Variants in RNASEH2B observed in about 807,000 individuals in gnomAD.
RNASEH2B encodes ribonuclease H2 subunit B.
In RNASEH2B, 36 loss-of-function variants were observed where a neutral mutation model predicts 45.0. That is an observed-to-expected ratio of 0.80 (90% CI 0.61 to 1.06). The LOEUF (loss-of-function observed/expected upper bound fraction) is 1.06. Among genes scored for constraint, RNASEH2B ranks in the 50% least tolerant of loss-of-function variants. RNASEH2B has a pLI of 0.00. For missense variants in RNASEH2B, 361 were observed against 360.3 expected, an observed-to-expected ratio of 1.00 and a Z score of -0.02; for synonymous variants, 119 against 125.7, an observed-to-expected ratio of 0.95 and a Z score of 0.35.
In RNASEH2B at chr13:50,954,188, A is replaced by T. The variant is rs942585012; in HGVS notation, c.822+203A>T. On this transcript the variant is annotated intron_variant, in intron 10 of 10. Coordinates refer to ENST00000336617, the MANE Select transcript of RNASEH2B (RefSeq NM_024570.4). The stretch of plus-strand genomic sequence containing the variant: ...ACTAAGACTTATTATTAGTCAGAGA[A>T]AAACAATATACTACTTATCAAGAGT... 1.3e-5 allele frequency: 8 copies of T among 632,054 alleles called. No individual in the cohort carries two copies. In the Admixed American group the frequency reaches 1.8e-4, roughly 14 times the overall value. 39.2% of individuals were successfully genotyped at this position (632,054 alleles called of 1,614,324 possible).
At chr13:50,961,614 C>G (rs868658835), downstream of RNASEH2B, among the ~76,000 whole-genome samples, 2 of 151,962 alleles carry the variant, frequency 1.3e-5, no homozygotes, top group African/African-American at 2.4e-5. Context: ...TTCAAAGAAC[C>G]CTGGTTCCTT....
At chr13:50,952,934 A>G (rs913477967) in intron 9 of RNASEH2B, 2 of 152,156 alleles carry the variant, frequency 1.3e-5, no homozygotes, top group Non-Finnish European at 2.9e-5. Flanking sequence ...ATAAAACACC[A>G]TGGGCTGTGG....
At chr13:50,949,310 AT>A (rs1426013434) in intron 8 of RNASEH2B, 152 bp from the exon 9 acceptor site, 28 of 666,580 alleles carry the variant, frequency 4.2e-5, no homozygotes, top group Non-Finnish European at 7.2e-5. Flanking sequence ...GAAAACTTTC[AT>A]TCTTTACACT....
Position 50,909,843 on chromosome 13 carries a change from A to C in RNASEH2B, c.-234A>C. On this transcript the variant is annotated 5_prime_UTR_variant, in exon 1 of 11. Transcript: ENST00000336617. Reference sequence around the variant, plus strand: ...CGGCCCCTTCCCGTTGCCTGCGGCCACCGGCCGGCATTCAGAGCCCCTCGC... The same window carrying C: ...CGGCCCCTTCCCGTTGCCTGCGGCCCCCGGCCGGCATTCAGAGCCCCTCGC... 1.0e-5 allele frequency: 4 copies of C among 397,250 alleles called. No individual in the cohort carries two copies. The highest frequency in any genetic ancestry group is 1.3e-5 in the Non-Finnish European group (3 of 222,358). The allele number at this position is 397,250 out of a possible 1,614,324, so 24.6% of individuals were successfully genotyped here.
At chr13:50,946,476 C>T (rs1418942308) in intron 7 of RNASEH2B, among the ~76,000 whole-genome samples, 1 of 152,104 alleles carries the variant, frequency 6.6e-6, no homozygotes, top group Non-Finnish European at 1.5e-5. Flanking sequence ...TACTGAGTTA[C>T]CAGCTGTCAG....
chr13:50,969,900 G>A (rs1203500018), intron 9 of RNASEH2B: 12 of 1,549,394 alleles, frequency 7.7e-6, no homozygotes, highest in Non-Finnish European at 1.0e-5. Flanking sequence ...CTCCTCACCA[G>A]GACACACCAC....
intron 1 of RNASEH2B, among the ~76,000 whole-genome samples, chr13:50,915,717 C>T (rs1172349844): frequency 1.3e-5 from 2 of 152,184 alleles, no homozygotes; most frequent in African/African-American, 4.8e-5. Context: ...TCAGAGCTAC[C>T]TTTATGACTT....
intron 1 of RNASEH2B, among the ~76,000 whole-genome samples, chr13:50,924,868 A>T (rs2137916377): frequency 6.6e-6 from 1 of 152,218 alleles, no homozygotes; most frequent in East Asian, 1.9e-4. Context: ...TTAATTACTG[A>T]TTTCAAAGTA....
At chr13:50,954,338 T>C (rs1952016853) in intron 10 of RNASEH2B, 1 of 472,834 alleles carries the variant, frequency 2.1e-6, no homozygotes, top group African/African-American at 2.0e-5. Context: ...AAATTAATAA[T>C]TTCACCATTC....
intron 5 of RNASEH2B, chr13:50,942,448 A>G (rs187493812): frequency 2.2e-4 from 34 of 152,324 alleles, no homozygotes; most frequent in Admixed American, 1.7e-3. Context: ...ATACCAGGCC[A>G]CTACTGAGTA....
At chr13:50,959,987 T>G (rs1208815695), downstream of RNASEH2B, 2 of 354,038 alleles carry the variant, frequency 5.6e-6, no homozygotes, top group Non-Finnish European at 1.0e-5. Context: ...ACTTAAATAT[T>G]CTTATTTGGG....
chr13:50,927,859 A>C (rs1017156645), intron 2 of RNASEH2B, among the ~76,000 whole-genome samples: 2 of 152,118 alleles, frequency 1.3e-5, no homozygotes, highest in African/African-American at 4.8e-5. Context: ...AAAATAAACA[A>C]CCAGAATTTA....
chr13:50,943,082 G>T, intron 5 of RNASEH2B: 20 of 412,452 alleles, frequency 4.8e-5, no homozygotes, highest in Middle Eastern at 6.9e-4. Context: ...AGAGTTGTTT[G>T]TATAATTTGA....
intron 1 of RNASEH2B, among the ~76,000 whole-genome samples, chr13:50,916,886 T>C (rs908227356): frequency 6.6e-6 from 1 of 152,200 alleles, no homozygotes; most frequent in Admixed American, 6.5e-5. Flanking sequence ...GTGGAGAGCA[T>C]AGGACATCTG....
rs117482853 is a variant in RNASEH2B, at chr13:50,915,989, A to C, written c.64+5849A>C. 6.1e-5 allele frequency among the ~76,000 whole-genome samples: 9 copies of C among 146,734 alleles called. No individual in the cohort carries two copies. The East Asian group carries it at 1.8e-3, about 29-fold the overall frequency. On this transcript the variant is annotated intron_variant, in intron 1 of 10. Transcript: ENST00000336617. ...CTTTTAACCTTCTTTTGACCAGTTA[A>C]CTCTACATTTACACGTTTTTCTCAC...
chr13:50,918,196 G>C (rs1879848668), intron 1 of RNASEH2B, among the ~76,000 whole-genome samples: 1 of 152,092 alleles, frequency 6.6e-6, no homozygotes, highest in South Asian at 2.1e-4. Context: ...GGAGTGCAGT[G>C]GCACGATCTC....
chr13:50,954,259 G>C, intron 10 of RNASEH2B: 2 of 541,582 alleles, frequency 3.7e-6, no homozygotes, highest in Non-Finnish European at 6.5e-6. Context: ...GGGTGGGAAA[G>C]GAGGGAGGAA....
In RNASEH2B at chr13:50,909,961, G is replaced by C. The variant is rs1879239562; in HGVS notation, c.-116G>C. 2.4e-6 allele frequency: 2 copies of C among 832,872 alleles called. No homozygotes were observed. The highest frequency in any genetic ancestry group is 3.6e-4 in the Middle Eastern group (1 of 2,784). The allele number at this position is 832,872 out of a possible 1,614,324, so 51.6% of individuals were successfully genotyped here. A position where few individuals can be genotyped will look rare whatever the true frequency, so the allele number is the denominator to read the frequency against. ...CCTGGGCCTCCTCCCGGGCGCTGCC[G>C]GTCCCTCAGCGCGCCGCGCCACCCG... On this transcript the variant is annotated 5_prime_UTR_variant, in exon 1 of 11. Coordinates refer to ENST00000336617, the MANE Select transcript of RNASEH2B (RefSeq NM_024570.4).
At chr13:50,963,805 C>T (rs1271879557) in intron 9 of RNASEH2B, among the ~76,000 whole-genome samples, 1 of 152,180 alleles carries the variant, frequency 6.6e-6, no homozygotes, top group East Asian at 1.9e-4. Flanking sequence ...CCTTATTGTA[C>T]TTTCACCTAT....
Sources: gnomAD v4.1 joint callset for allele counts (sites outside exome capture counted in the v4.1 genomes callset) on GRCh38, gnomAD v4.1.1 for gene constraint, MANE v1.5 for transcripts, NCBI Gene and HGNC (gene_info 2026-07-23, HGNC 2026-07-21) for gene names.